The following PRMT3 variants were observed in gnomAD, a reference collection of about 807,000 sequenced individuals.
PRMT3 encodes protein arginine N-methyltransferase 3.
A neutral mutation model predicts 71.9 loss-of-function variants in PRMT3; 62 were observed. The ratio of observed to expected loss-of-function variants is 0.86; its 90% CI spans 0.70 to 1.07. The LOEUF (loss-of-function observed/expected upper bound fraction) is 1.07, where lower values mean the gene tolerates loss of function less well. Among genes scored for constraint, PRMT3 ranks in the 50% least tolerant of loss-of-function variants. The pLI, the probability that PRMT3 is intolerant of heterozygous loss-of-function variation, is 0.00. For synonymous variants in PRMT3, 213 were observed against 220.4 expected, an observed-to-expected ratio of 0.97 and a Z score of 0.30; for missense variants, 663 against 643.0, an observed-to-expected ratio of 1.03 and a Z score of -0.34.
At chr11:20,418,213 A>C (rs994278631) in intron 9 of PRMT3, among the ~76,000 whole-genome samples, 2 of 152,206 alleles carry the variant, frequency 1.3e-5, no homozygotes, top group African/African-American at 4.8e-5. Context: ...AGTTCTCTAC[A>C]TTAGAATCAT....
intron 10 of PRMT3, among the ~76,000 whole-genome samples, chr11:20,444,486 C>A (rs563094006): frequency 6.6e-6 from 1 of 152,280 alleles, no homozygotes; most frequent in African/African-American, 2.4e-5. Context: ...ATTCAAAATA[C>A]ACCCTTGTGA....
At position 20,438,927 on chromosome 11, in the gene PRMT3, G is replaced by T. The variant is rs118015683; in HGVS notation, c.993+12062G>T. Among the ~76,000 whole-genome samples the T allele has an allele frequency of 8.5e-5, 13 of 152,274 alleles. No individual in the cohort carries two copies. In the East Asian group the frequency reaches 2.5e-3, roughly 29 times the overall value. Reference sequence around the variant, plus strand: ...TTGAGGGGGTGGGAGAGGGGTAGGTGGAGTGCCTCCACCTCTGCTTTGACC... The same window carrying T: ...TTGAGGGGGTGGGAGAGGGGTAGGTTGAGTGCCTCCACCTCTGCTTTGACC... On this transcript the variant is annotated intron_variant, in intron 10 of 15. Transcript: ENST00000331079.
At chr11:20,452,072 C>A in intron 10 of PRMT3, 58 bp from the exon 11 acceptor site, 1 of 1,219,766 alleles carries the variant, frequency 8.2e-7, no homozygotes, top group Non-Finnish European at 1.2e-6. Flanking sequence ...TTTAAATTGA[C>A]CTGCTTATGA....
chr11:20,429,799 T>C (rs1362297288), intron 10 of PRMT3, among the ~76,000 whole-genome samples: 1 of 152,246 alleles, frequency 6.6e-6, no homozygotes, highest in Non-Finnish European at 1.5e-5. Flanking sequence ...CAGTCAGCTC[T>C]GGATGGCCTT....
chr11:20,418,088 A>C (rs1229858303), intron 9 of PRMT3, among the ~76,000 whole-genome samples: 1 of 152,154 alleles, frequency 6.6e-6, no homozygotes, highest in Non-Finnish European at 1.5e-5. Flanking sequence ...ATAGGAAATA[A>C]GATAGGAAAG....
intron 3 of PRMT3, among the ~76,000 whole-genome samples, chr11:20,390,552 A>C (rs1032421772): frequency 3.3e-5 from 5 of 152,254 alleles, no homozygotes; most frequent in Non-Finnish European, 5.9e-5. Flanking sequence ...AGACTGGAAA[A>C]AGAGTGATGA....
chr11:20,435,350 C>T (rs780056008), intron 10 of PRMT3, among the ~76,000 whole-genome samples: 35 of 152,092 alleles, frequency 2.3e-4, no homozygotes, highest in Non-Finnish European at 4.1e-4. Flanking sequence ...TACAGGTGTG[C>T]GCCACTATAC....
rs1323439799 is a variant in PRMT3 at position 20,508,536 on chromosome 11, C to T, written c.*123C>T. 1.4e-6 allele frequency: 1 copy of T among 736,254 alleles called. No homozygotes were observed. The highest frequency in any genetic ancestry group is 2.5e-6 in the Non-Finnish European group (1 of 403,092). The allele number at this position is 736,254 out of a possible 1,614,324, so 45.6% of individuals were successfully genotyped here. A position where few individuals can be genotyped will look rare whatever the true frequency, so the allele number is the denominator to read the frequency against. On this transcript the variant is annotated 3_prime_UTR_variant, in exon 16 of 16. Coordinates refer to ENST00000331079, the MANE Select transcript of PRMT3 (RefSeq NM_005788.4). ...TGGACCCTTTCCTAATGAGCCTCCT[C>T]AATAAGAGAGAAGTTCTCATTGTGG...
At chr11:20,508,166 AAAAAG>A (rs1851638937) in intron 15 of PRMT3, 133 bp from the exon 16 acceptor site, 4 of 496,724 alleles carry the variant, frequency 8.1e-6, no homozygotes, top group Non-Finnish European at 1.1e-5. Flanking sequence ...AAAAAAAAAA[AAAAAG>A]AATATTAACC....
intron 9 of PRMT3, among the ~76,000 whole-genome samples, chr11:20,419,031 G>A (rs988331129): frequency 3.3e-5 from 5 of 152,118 alleles, no homozygotes; most frequent in Non-Finnish European, 7.4e-5. Context: ...GCACACATCT[G>A]GGGGGTGTAT....
intron 2 of PRMT3, among the ~76,000 whole-genome samples, chr11:20,389,298 C>T (rs1217684423): frequency 3.3e-5 from 5 of 152,134 alleles, no homozygotes; most frequent in Non-Finnish European, 7.4e-5. Flanking sequence ...GGGAGTATGC[C>T]AGCTGTAAAA....
At chr11:20,502,762 A>C (rs560704366) in intron 15 of PRMT3, among the ~76,000 whole-genome samples, 17 of 152,310 alleles carry the variant, frequency 1.1e-4, no homozygotes, top group African/African-American at 2.6e-4. Context: ...TCAAAAGGCA[A>C]TGTAAATGAA....
At chr11:20,401,099 G>A (rs1292092039) in intron 7 of PRMT3, among the ~76,000 whole-genome samples, 1 of 151,924 alleles carries the variant, frequency 6.6e-6, no homozygotes. Context: ...TTTATATATT[G>A]TAAGAGCCAG....
chr11:20,458,797 A>G (rs531246019), intron 11 of PRMT3, among the ~76,000 whole-genome samples: 1 of 152,342 alleles, frequency 6.6e-6, no homozygotes, highest in Non-Finnish European at 1.5e-5. Context: ...GTGAAAGACA[A>G]ATAATTTGAA....
At chr11:20,504,241 C>T (rs1851524942) in intron 15 of PRMT3, among the ~76,000 whole-genome samples, 1 of 152,162 alleles carries the variant, frequency 6.6e-6, no homozygotes, top group Non-Finnish European at 1.5e-5. Flanking sequence ...ATCATCATTT[C>T]TTAAAAAGAC....
At chr11:20,432,209 C>G (rs562224453) in intron 10 of PRMT3, among the ~76,000 whole-genome samples, 2 of 152,192 alleles carry the variant, frequency 1.3e-5, no homozygotes, top group East Asian at 3.9e-4. Context: ...ACTGCCCTTA[C>G]AAACATTTTT....
In PRMT3 at chr11:20,492,931, C is replaced by T. The variant is rs182302386; in HGVS notation, c.1348-988C>T. Among the ~76,000 whole-genome samples the T allele has an allele frequency of 5.3e-5, 8 of 152,208 alleles. No homozygotes were observed. In the East Asian group the frequency reaches 1.5e-3, roughly 29 times the overall value. On this transcript the variant is annotated intron_variant, in intron 13 of 15. Coordinates refer to ENST00000331079, the MANE Select transcript of PRMT3 (RefSeq NM_005788.4). ...AATTAGCCGGGTGTGGTGGCGCACG[C>T]CTGTAGTCCCATCTACTCAGCCTTG...
At chr11:20,415,341 A>G (rs752794099) in intron 9 of PRMT3, among the ~76,000 whole-genome samples, 67 of 152,262 alleles carry the variant, frequency 4.4e-4, no homozygotes, top group Non-Finnish European at 7.8e-4. Context: ...GATTCACTCC[A>G]GTGGTTCTGT....
At position 20,494,207 on chromosome 11, in the gene PRMT3, G is replaced by A; in HGVS notation, c.1439G>A (p.Trp480Ter). 1 of 1,611,368 alleles carries A rather than the reference G, an allele frequency of 6.2e-7. No homozygotes were observed. Among genetic ancestry groups the A allele is most frequent in the Non-Finnish European group, 8.5e-7 (1 of 1,177,686 alleles). ...GGCCCTCAGAGCACCAAAACACACTGGAAACAAACAGTATTTCTACTGGAA... is the reference window on the plus strand; with the variant it reads ...GGCCCTCAGAGCACCAAAACACACTAGAAACAAACAGTATTTCTACTGGAA... Reference protein sequence around the residue: ...STGPQSTKTHWKQTVFLLEKP... With the variant: ...STGPQSTKTH Residue 480 changes from tryptophan to a stop codon, truncating the protein, a stop_gained, in exon 15 of 16, where the codon TGG (tryptophan) becomes TAG (stop). Coordinates refer to ENST00000331079, the MANE Select transcript of PRMT3 (RefSeq NM_005788.4). LOFTEE classifies it high-confidence loss of function.
Sources: gnomAD v4.1 joint callset for allele counts (sites outside exome capture counted in the v4.1 genomes callset) on GRCh38, gnomAD v4.1.1 for gene constraint, MANE v1.5 for transcripts, NCBI Gene and HGNC (gene_info 2026-07-23, HGNC 2026-07-21) for gene names.